The following SLC51B variants were observed in gnomAD, a reference collection of about 807,000 sequenced individuals.
SLC51B encodes the protein organic solute transporter subunit beta.
A neutral mutation model predicts 8.0 loss-of-function variants in SLC51B; 6 were observed. That is an observed-to-expected ratio of 0.75 (90% CI 0.41 to 1.48). The LOEUF (loss-of-function observed/expected upper bound fraction) is 1.48, where lower values mean the gene tolerates loss of function less well. Among genes scored for constraint, SLC51B ranks in the 40% most tolerant of loss-of-function variants. The pLI, the probability that SLC51B is intolerant of heterozygous loss-of-function variation, is 0.01. For missense variants in SLC51B, 150 were observed against 149.7 expected (o/e 1.00, Z -0.01); for synonymous variants, 61 against 54.8 (o/e 1.11, Z -0.50).
At chr15:65,048,221 CT>C (rs1464814939) in intron 1 of SLC51B, among the ~76,000 whole-genome samples, 17 of 151,956 alleles carry the variant, frequency 1.1e-4, no homozygotes, top group Non-Finnish European at 1.9e-4. Context: ...TAAGAAAGGT[CT>C]TTTTTTCTCC....
rs2086630001 is a variant in SLC51B, at chr15:65,050,114, A to C, written c.97+13A>C. The stretch of plus-strand genomic sequence containing the variant: ...CGTGTGGAAGATGGTAAGTGGTGAG[A>C]GATTGACGGCAGGGGTGGGGGTGTG... On this transcript the variant is annotated intron_variant, in intron 2 of 3. Transcript: ENST00000334287. 7 of 1,549,440 alleles carry C rather than the reference A, an allele frequency of 4.5e-6. No homozygotes were observed. In the East Asian group the frequency reaches 1.7e-4, roughly 38 times the overall value.
At chr15:65,047,795 T>TGATAGATA (rs72192523) in intron 1 of SLC51B, among the ~76,000 whole-genome samples, 5,783 of 149,894 alleles carry the variant, frequency 0.039, 183 homozygotes, top group African/African-American at 0.072. Flanking sequence ...GATCGATAGA[T>TGATAGATA]GATAGATAGA....
intron 2 of SLC51B, among the ~76,000 whole-genome samples, chr15:65,051,192 T>A (rs577547081): frequency 3.3e-5 from 5 of 152,164 alleles, no homozygotes; most frequent in Non-Finnish European, 5.9e-5. Context: ...CTGGCAAAAC[T>A]GAAGATTGTG....
In SLC51B at chr15:65,050,833, C is replaced by CTTTTTTTTTTTT. The variant is rs67418433; in HGVS notation, c.98-680_98-679insTTTTTTTTTTTT. Among the ~76,000 whole-genome samples the CTTTTTTTTTTTT allele has an allele frequency of 4.2e-4, 37 of 88,602 alleles. 1 individual carries two copies. Among genetic ancestry groups the CTTTTTTTTTTTT allele is most frequent in the Non-Finnish European group, 4.7e-4 (23 of 49,188 alleles). The allele number at this position is 88,602 out of a possible 152,430, so 58.1% of individuals were successfully genotyped here. On this transcript the variant is annotated intron_variant, in intron 2 of 3. Transcript: ENST00000334287. Reference sequence around the variant, plus strand: ...TCCTTTTTTTTTCTTTCTTCTTCTTCTTCTTTTTTTTTTTTTTTTTGCCTT... The same window carrying CTTTTTTTTTTTT: ...TCCTTTTTTTTTCTTTCTTCTTCTTCTTTTTTTTTTTTTTCTTTTTTTTTTTTTTTTTGCCTT...
chr15:65,050,170 G>C, intron 2 of SLC51B, 69 bp downstream of exon 2: 6 of 1,287,532 alleles, frequency 4.7e-6, no homozygotes, highest in Non-Finnish European at 6.5e-6. Context: ...TTTGGCTGAA[G>C]GTCCTGACAC....
In SLC51B at chr15:65,052,954, C is replaced by G; in HGVS notation, c.189-12C>G. 3 of 1,574,820 alleles carry G rather than the reference C, an allele frequency of 1.9e-6. No homozygotes were observed. The highest frequency in any genetic ancestry group is 1.7e-6 in the Non-Finnish European group (2 of 1,156,318). ...CAGCCCCCCTCATTAACACTGTTCC[C>G]TGTCCCCCCAGAAAAGAAAAGATGC... is the stretch of plus-strand genomic sequence containing the variant. On this transcript the variant is annotated splice_polypyrimidine_tract_variant and intron_variant, in intron 3 of 3. Coordinates refer to ENST00000334287, the MANE Select transcript of SLC51B (RefSeq NM_178859.4).
intron 1 of SLC51B, among the ~76,000 whole-genome samples, chr15:65,048,041 T>C (rs1471430747): frequency 6.6e-6 from 1 of 152,058 alleles, no homozygotes; most frequent in Non-Finnish European, 1.5e-5. Context: ...TAGCCTGGCG[T>C]GGTGGCATGC....
intron 1 of SLC51B, among the ~76,000 whole-genome samples, chr15:65,048,510 G>T (rs1361179263): frequency 1.3e-5 from 2 of 152,214 alleles, no homozygotes; most frequent in Admixed American, 1.3e-4. Context: ...AGCACCTAAG[G>T]CAGTGACAGA....
chr15:65,046,472 A>G (rs2086579179), intron 1 of SLC51B, among the ~76,000 whole-genome samples: 1 of 152,072 alleles, frequency 6.6e-6, no homozygotes, highest in Non-Finnish European at 1.5e-5. Flanking sequence ...CTCTGTCTCA[A>G]AAAAAAGAAA....
At chr15:65,047,377 T>C (rs1167920921) in intron 1 of SLC51B, among the ~76,000 whole-genome samples, 1 of 151,288 alleles carries the variant, frequency 6.6e-6, no homozygotes, top group African/African-American at 2.4e-5. Context: ...AAAATATACA[T>C]AGAAATATAT....
At chr15:65,049,571 G>T (rs1427738015) in intron 1 of SLC51B, 1 of 153,310 alleles carries the variant, frequency 6.5e-6, no homozygotes, top group Non-Finnish European at 1.5e-5. Context: ...CAACGCGTGG[G>T]CGCGCTGTGG....
At chr15:65,046,692 C>T (rs1364193454) in intron 1 of SLC51B, among the ~76,000 whole-genome samples, 3 of 152,080 alleles carry the variant, frequency 2.0e-5, no homozygotes, top group African/African-American at 4.8e-5. Flanking sequence ...GTGGGCAGGT[C>T]GCTTGAACTC....
intron 3 of SLC51B, among the ~76,000 whole-genome samples, chr15:65,052,644 G>A (rs140555142): frequency 8.8e-4 from 134 of 152,052 alleles, no homozygotes; most frequent in African/African-American, 3.1e-3. Flanking sequence ...TGATCCACCC[G>A]CCTCAGCCTC....
chr15:65,050,836 C>CCTTTTTTTTTTTTTTTT (rs2086642864), intron 2 of SLC51B, among the ~76,000 whole-genome samples: 1 of 95,650 alleles, frequency 1.0e-5, no homozygotes, highest in Non-Finnish European at 1.9e-5. Context: ...TCTTCTTCTT[C>CCTTTTTTTTTTTTTTTT]TTTTTTTTTT....
At position 65,049,962 on chromosome 15, in the gene SLC51B, G is replaced by T. The variant is rs1311724554; in HGVS notation, c.-43G>T. The T allele has an allele frequency of 6.7e-7, 1 of 1,492,004 alleles. No individual in the cohort carries two copies. The highest frequency in any genetic ancestry group is 9.1e-7 in the Non-Finnish European group (1 of 1,099,410). 92.4% of individuals were successfully genotyped at this position (1,492,004 alleles called of 1,614,324 possible). On this transcript the variant is annotated 5_prime_UTR_variant, in exon 2 of 4. The change creates a new upstream start codon in the 5' untranslated region. Transcript: ENST00000334287. ...AGGCCAGGAGGGCTGCTGGGGCTAA[G>T]GGGTCTAAGGACCTCGTTGCACACG...
intron 2 of SLC51B, among the ~76,000 whole-genome samples, chr15:65,051,289 T>G (rs2086650072): frequency 6.6e-6 from 1 of 152,220 alleles, no homozygotes; most frequent in Non-Finnish European, 1.5e-5. Context: ...ACTGCAGTAC[T>G]GTCTCCTCCA....
At chr15:65,046,544 G>A (rs1248679680) in intron 1 of SLC51B, among the ~76,000 whole-genome samples, 2 of 152,202 alleles carry the variant, frequency 1.3e-5, no homozygotes, top group Non-Finnish European at 2.9e-5. Flanking sequence ...TCTCGGTTCT[G>A]GATTTGTATC....
chr15:65,051,344 C>A (rs1046243629), intron 2 of SLC51B, among the ~76,000 whole-genome samples, 171 bp from the exon 3 acceptor site: 2 of 152,238 alleles, frequency 1.3e-5, no homozygotes, highest in African/African-American at 4.8e-5. Context: ...TCCACCCTCC[C>A]ACCTGTTAGA....
chr15:65,048,007 C>A (rs2086599613), intron 1 of SLC51B, among the ~76,000 whole-genome samples: 2 of 151,950 alleles, frequency 1.3e-5, no homozygotes, highest in South Asian at 4.2e-4. Context: ...GAGGAAACCC[C>A]ATCATTACTA....
Sources: gnomAD v4.1 joint callset for allele counts (sites outside exome capture counted in the v4.1 genomes callset) on GRCh38, gnomAD v4.1.1 for gene constraint, MANE v1.5 for transcripts, NCBI Gene and HGNC (gene_info 2026-07-23, HGNC 2026-07-21) for gene names.